TASP1: variants seen among roughly 807,000 people sequenced by gnomAD.
TASP1 encodes threonine aspartase 1.
In TASP1, 16 loss-of-function variants were observed where a neutral mutation model predicts 56.6. The observed-to-expected ratio is 0.28, with a 90% CI of 0.19 to 0.43. The LOEUF is 0.43. Ranked by LOEUF, TASP1 falls within the 20% of genes least tolerant of loss-of-function variation. The pLI is 1.00. For missense variants in TASP1, 393 were observed against 511.6 expected, an observed-to-expected ratio of 0.77 and a Z score of 2.24; for synonymous variants, 179 against 184.2, an observed-to-expected ratio of 0.97 and a Z score of 0.23.
chr20:13,327,532 C>G, the TASP1 span, among the ~76,000 whole-genome samples: 1 of 152,146 alleles, frequency 6.6e-6, no homozygotes, highest in African/African-American at 2.4e-5. Flanking sequence ...AAGCTGGAGG[C>G]ATCACACTAT....
Position 13,495,989 on chromosome 20 carries a change from T to C in TASP1, c.875-12652A>G, listed in dbSNP as rs190276326. On this transcript the variant is annotated intron_variant, in intron 10 of 13. Coordinates refer to ENST00000337743, the MANE Select transcript of TASP1 (RefSeq NM_017714.3). ...AAATTAAGAAACCACATGGCTATAA[T>C]TTTATTTAAAAATCTATAAGCGTAT... Among the ~76,000 whole-genome samples, 132 of 152,262 alleles carry C rather than the reference T, an allele frequency of 8.7e-4. 1 individual carries two copies. The East Asian group carries it at 0.019, about 22-fold the overall frequency.
At chr20:13,623,237 A>T (rs1373009339) in intron 4 of TASP1, among the ~76,000 whole-genome samples, 11 of 152,068 alleles carry the variant, frequency 7.2e-5, no homozygotes, top group Non-Finnish European at 1.6e-4. Context: ...AAAAAAAAAG[A>T]AAAGAAAGGA....
the TASP1 span, among the ~76,000 whole-genome samples, chr20:13,318,747 A>G: frequency 1.3e-5 from 2 of 152,198 alleles, no homozygotes; most frequent in African/African-American, 4.8e-5. Flanking sequence ...TTTGAAACTC[A>G]GTGAAAAAAG....
the TASP1 span, among the ~76,000 whole-genome samples, chr20:13,339,019 T>C: frequency 2.0e-5 from 3 of 152,098 alleles, no homozygotes; most frequent in African/African-American, 7.2e-5. Flanking sequence ...TCTCTAATCA[T>C]ACATCATAGG....
chr20:13,592,640 T>C (rs1191054482), intron 4 of TASP1, among the ~76,000 whole-genome samples: 1 of 152,198 alleles, frequency 6.6e-6, no homozygotes, highest in Non-Finnish European at 1.5e-5. Context: ...ATAAATTTTA[T>C]TAATCTTTTA....
chr20:13,381,482 C>T, the TASP1 span, among the ~76,000 whole-genome samples: 32 of 152,244 alleles, frequency 2.1e-4, 1 homozygote, highest in Non-Finnish European at 5.9e-5. Flanking sequence ...CTGCATTGAT[C>T]TCACTGGGAG....
rs536135728 is a variant in TASP1, at chr20:13,523,672, C to G, written c.874+4761G>C. Among the ~76,000 whole-genome samples, 5 of 152,214 alleles carry G rather than the reference C, an allele frequency of 3.3e-5. No homozygotes were observed. In the South Asian group the frequency reaches 1.0e-3, roughly 32 times the overall value. Reference sequence around the variant, plus strand: ...AATCCCATCTACCTTTGAAGCTACTCCTGGCAAGTCCTGACCACAACCCTC... The same window carrying G: ...AATCCCATCTACCTTTGAAGCTACTGCTGGCAAGTCCTGACCACAACCCTC... On this transcript the variant is annotated intron_variant, in intron 10 of 13. Coordinates refer to ENST00000337743, the MANE Select transcript of TASP1 (RefSeq NM_017714.3).
the TASP1 span, among the ~76,000 whole-genome samples, chr20:13,195,861 G>C: frequency 1.3e-5 from 2 of 152,118 alleles, no homozygotes; most frequent in African/African-American, 4.8e-5. Flanking sequence ...TCTATGCATA[G>C]TATACCTTTG....
At chr20:13,472,653 C>G (rs922899608) in intron 11 of TASP1, among the ~76,000 whole-genome samples, 3 of 150,926 alleles carry the variant, frequency 2.0e-5, no homozygotes, top group Non-Finnish European at 4.4e-5. Flanking sequence ...AATCAAACAA[C>G]CCCATCAAAA....
At chr20:13,514,409 G>A (rs1165629310) in intron 10 of TASP1, among the ~76,000 whole-genome samples, 4 of 152,206 alleles carry the variant, frequency 2.6e-5, no homozygotes, top group Admixed American at 1.3e-4. Flanking sequence ...GCAATGGTGC[G>A]AAGTGAGAAC....
chr20:13,429,550 T>G (rs1268620212), intron 12 of TASP1, among the ~76,000 whole-genome samples: 1 of 152,030 alleles, frequency 6.6e-6, no homozygotes, highest in East Asian at 1.9e-4. Context: ...GGGGATGCCA[T>G]TTCCCATCAA....
At chr20:13,306,053 T>C in the TASP1 span, among the ~76,000 whole-genome samples, 9 of 151,114 alleles carry the variant, frequency 6.0e-5, no homozygotes, top group South Asian at 1.5e-3. Context: ...TGTGCCCTTA[T>C]AGATATTCAC....
chr20:13,500,771 G>A (rs2043918575), intron 10 of TASP1, among the ~76,000 whole-genome samples: 1 of 152,018 alleles, frequency 6.6e-6, no homozygotes, highest in African/African-American at 2.4e-5. Flanking sequence ...TCCAATGTCT[G>A]TAGAACAATA....
At chr20:13,173,523 CT>C in the TASP1 span, among the ~76,000 whole-genome samples, 1 of 152,174 alleles carries the variant, frequency 6.6e-6, no homozygotes, top group South Asian at 2.1e-4. Context: ...TGTGAATGCT[CT>C]CAGCAAAGGC....
chr20:13,357,681 C>A, the TASP1 span, among the ~76,000 whole-genome samples: 5 of 152,138 alleles, frequency 3.3e-5, no homozygotes, highest in African/African-American at 1.2e-4. Flanking sequence ...TATATACCCA[C>A]GCAAAGACTT....
chr20:13,461,844 G>A (rs545359496), intron 11 of TASP1, among the ~76,000 whole-genome samples: 19 of 152,230 alleles, frequency 1.2e-4, no homozygotes, highest in African/African-American at 4.1e-4. Flanking sequence ...AGGAAGAGTC[G>A]TCCAGATCAA....
At chr20:13,456,972 G>C (rs2043864519) in intron 11 of TASP1, among the ~76,000 whole-genome samples, 1 of 151,928 alleles carries the variant, frequency 6.6e-6, no homozygotes, top group Admixed American at 6.6e-5. Context: ...TCCTTTGCAG[G>C]GACATGGATG....
the TASP1 span, among the ~76,000 whole-genome samples, chr20:13,306,388 T>C: frequency 0.38 from 56,985 of 151,756 alleles, 11,656 homozygotes; most frequent in Admixed American, 0.44. Context: ...AAGGGAATGT[T>C]AGCAAATTTT....
At chr20:13,636,677 A>C (rs1230678250) in intron 1 of TASP1, among the ~76,000 whole-genome samples, 1 of 152,100 alleles carries the variant, frequency 6.6e-6, no homozygotes, top group African/African-American at 2.4e-5. Flanking sequence ...TAAATGTCCA[A>C]TACAGAAAAA....
Sources: allele counts gnomAD v4.1 joint callset (sites outside exome capture counted in the v4.1 genomes callset), GRCh38; gene constraint gnomAD v4.1.1; transcripts MANE v1.5; gene names NCBI Gene and HGNC (gene_info 2026-07-23, HGNC 2026-07-21).